Variants in DYSF observed in about 807,000 individuals in gnomAD.
DYSF encodes the protein dysferlin, also known as dystrophy-associated fer-1-like 1.
DYSF carries 212 observed loss-of-function variants against 274.9 expected under a neutral mutation model. The ratio of observed to expected loss-of-function variants is 0.77; its 90% CI spans 0.69 to 0.86. The LOEUF (loss-of-function observed/expected upper bound fraction) is 0.86, where lower values mean the gene tolerates loss of function less well. Among genes scored for constraint, DYSF ranks in the 40% least tolerant of loss-of-function variants. The probability of loss-of-function intolerance (pLI) is 0.00; values close to 1 mark genes in which losing one functional copy is unlikely to be tolerated. For missense variants in DYSF, 2,666 were observed against 2,783.2 expected, an observed-to-expected ratio of 0.96 and a Z score of 0.95; for synonymous variants, 1,091 against 1,078.7, an observed-to-expected ratio of 1.01 and a Z score of -0.22.
chr2:71,610,409 T>C (rs2093730092), intron 36 of DYSF, among the ~76,000 whole-genome samples: 1 of 152,204 alleles, frequency 6.6e-6, no homozygotes. Context: ...ACGTCATACA[T>C]AGTGGAGTTA....
chr2:71,556,991 TCA>T (rs2091385136), intron 22 of DYSF, among the ~76,000 whole-genome samples: 1 of 152,160 alleles, frequency 6.6e-6, no homozygotes, highest in Non-Finnish European at 1.5e-5. Flanking sequence ...TGTTTGTGGC[TCA>T]GTTAGGAAGT....
At chr2:71,659,487 G>GT (rs2094837608) in intron 44 of DYSF, among the ~76,000 whole-genome samples, 1 of 152,212 alleles carries the variant, frequency 6.6e-6, no homozygotes, top group African/African-American at 2.4e-5. Context: ...AGCAGCGTTA[G>GT]TGACTGCTAT....
Position 71,568,165 on chromosome 2 carries a change from C to G in DYSF, c.2698-7C>G. On this transcript the variant is annotated splice_region_variant and splice_polypyrimidine_tract_variant and intron_variant, in intron 25 of 55. Coordinates refer to ENST00000410020, the MANE Select transcript of DYSF (RefSeq NM_001130987.2). ...CTGCTCACGCCTCATTCTTCCTGGC[C>G]CTCCAGTATGAGAACGAGACTAAGT... 6.2e-7 allele frequency: 1 copy of G among 1,614,214 alleles called. No individual in the cohort carries two copies. The highest frequency in any genetic ancestry group is 8.5e-7 in the Non-Finnish European group (1 of 1,180,038).
chr2:71,583,729 G>A (rs1270638110), intron 30 of DYSF, among the ~76,000 whole-genome samples: 1 of 152,196 alleles, frequency 6.6e-6, no homozygotes, highest in Non-Finnish European at 1.5e-5. Context: ...ATGCTGGTGG[G>A]CTCGATCTTG....
At position 71,612,771 on chromosome 2, in the gene DYSF, A is replaced by C. The variant is rs757346544; in HGVS notation, c.4352A>C (p.Tyr1451Ser). The C allele has an allele frequency of 6.2e-6, 10 of 1,613,578 alleles. No individual in the cohort carries two copies. In the East Asian group the frequency reaches 2.2e-4, roughly 36 times the overall value. The change falls in exon 39 of 56, where the codon TAC (tyrosine) becomes TCC (serine). Residue 1451 changes from tyrosine (Y) to serine (S), a missense_variant. Coordinates refer to ENST00000410020, the MANE Select transcript of DYSF (RefSeq NM_001130987.2). ...CTGGAGAGCTTCCTGTGTGACCCCT[A>C]CTCGGCGGAGAGTCCATCCCCACAG... ...RSLESFLCDP[Y>S]SAESPSPQGG...
chr2:71,592,685 T>A (rs2093303080), intron 32 of DYSF, among the ~76,000 whole-genome samples: 1 of 152,218 alleles, frequency 6.6e-6, no homozygotes, highest in Non-Finnish European at 1.5e-5. Flanking sequence ...GCCGGGTGTC[T>A]GGGGCAGAGA....
intron 12 of DYSF, among the ~76,000 whole-genome samples, chr2:71,522,592 A>G (rs2087418854): frequency 6.6e-6 from 1 of 152,126 alleles, no homozygotes; most frequent in South Asian, 2.1e-4. Context: ...TCTTTCAGAC[A>G]CCACCTGAGA....
rs1427496155 is a variant in DYSF at position 71,513,227 on chromosome 2, G to A, written c.461-13G>A. The A allele has an allele frequency of 6.4e-7, 1 of 1,551,582 alleles. No individual in the cohort carries two copies. Among genetic ancestry groups the A allele is most frequent in the Non-Finnish European group, 8.7e-7 (1 of 1,146,914 alleles). The stretch of plus-strand genomic sequence containing the variant: ...CCCTCCCCTCCCGGGGTTATGCCCT[G>A]CCCACAAGACAGGCGGGGGACAGAG... On this transcript the variant is annotated splice_polypyrimidine_tract_variant and intron_variant, in intron 5 of 55. Transcript: ENST00000410020.
At chr2:71,618,454 G>A (rs111207183) in intron 40 of DYSF, among the ~76,000 whole-genome samples, 3 of 3,632 alleles carry the variant, frequency 8.3e-4, no homozygotes, top group East Asian at 6.9e-3. Context: ...GTAGAGGTGG[G>A]GTTGTGTGTG....
intron 30 of DYSF, among the ~76,000 whole-genome samples, chr2:71,577,670 CCA>C (rs3079093): frequency 0.19 from 28,615 of 151,662 alleles, 3,020 homozygotes; most frequent in East Asian, 0.34. Flanking sequence ...GCACACGCAC[CCA>C]CACACACTCT....
chr2:71,635,748 C>CAAAAAA (rs753590151), intron 41 of DYSF, among the ~76,000 whole-genome samples: 4 of 69,538 alleles, frequency 5.8e-5, no homozygotes, highest in African/African-American at 1.1e-4. Context: ...GACTCTGTCT[C>CAAAAAA]AAAAAAAAAA....
At chr2:71,537,399 C>G (rs1330342790) in intron 16 of DYSF, among the ~76,000 whole-genome samples, 2 of 151,684 alleles carry the variant, frequency 1.3e-5, no homozygotes, top group African/African-American at 4.8e-5. Context: ...GCACACACCA[C>G]CACCCCTGGC....
chr2:71,556,450 A>C (rs1209569336), intron 22 of DYSF, among the ~76,000 whole-genome samples: 2 of 152,128 alleles, frequency 1.3e-5, no homozygotes, highest in African/African-American at 4.8e-5. Flanking sequence ...GTTTCTGTTT[A>C]GCTTTCTATT....
intron 16 of DYSF, among the ~76,000 whole-genome samples, chr2:71,538,151 G>C (rs78889054): frequency 0.036 from 5,414 of 152,334 alleles, 142 homozygotes; most frequent in Middle Eastern, 0.068. Context: ...TGAACTTGGG[G>C]CTAATTGTAG....
chr2:71,652,915 C>G (rs2094691267), intron 42 of DYSF, among the ~76,000 whole-genome samples: 1 of 152,204 alleles, frequency 6.6e-6, no homozygotes, highest in African/African-American at 2.4e-5. Context: ...AGATAATTGC[C>G]TAACCATTTA....
chr2:71,669,080 T>A, intron 49 of DYSF, 32 bp from the exon 50 acceptor site: 1 of 1,546,252 alleles, frequency 6.5e-7, no homozygotes, highest in South Asian at 1.2e-5. Flanking sequence ...TGGTAGGAAA[T>A]CTAGGTGGAT....
chr2:71,515,772 G>T (rs369051958), intron 8 of DYSF, 21 bp downstream of exon 8: 3 of 1,613,838 alleles, frequency 1.9e-6, no homozygotes, highest in Non-Finnish European at 2.5e-6. Flanking sequence ...TGGGGCATGA[G>T]GGCCAGAACC....
At chr2:71,622,529 C>G (rs2094129829) in intron 41 of DYSF, among the ~76,000 whole-genome samples, 1 of 152,156 alleles carries the variant, frequency 6.6e-6, no homozygotes, top group African/African-American at 2.4e-5. Context: ...CTGCCTCTAC[C>G]AGATTTCCAT....
At chr2:71,483,393 A>C (rs578119549) in intron 3 of DYSF, among the ~76,000 whole-genome samples, 10 of 152,228 alleles carry the variant, frequency 6.6e-5, no homozygotes, top group Non-Finnish European at 1.0e-4. Flanking sequence ...GACAGTGGGC[A>C]GTCCTCGAAG....
Sources: allele counts gnomAD v4.1 joint callset (sites outside exome capture counted in the v4.1 genomes callset), GRCh38; gene constraint gnomAD v4.1.1; transcripts MANE v1.5; gene names NCBI Gene and HGNC (gene_info 2026-07-23, HGNC 2026-07-21).